EYS: variants seen among roughly 807,000 people sequenced by gnomAD.
EYS encodes EGF-like photoreceptor maintenance factor, also known as protein eyes shut homolog.
Under a neutral mutation model 282.1 loss-of-function variants are expected in EYS, and 250 were observed. The ratio of observed to expected loss-of-function variants is 0.89; its 90% confidence interval spans 0.80 to 0.98. The LOEUF (loss-of-function observed/expected upper bound fraction) is 0.98, where lower values mean the gene tolerates loss of function less well. EYS is among the 50% of genes least tolerant of loss of function. The pLI, the probability that EYS is intolerant of heterozygous loss-of-function variation, is 0.00. For missense variants in EYS, 4,016 were observed against 3,709.0 expected, an observed-to-expected ratio of 1.08 and a Z score of -2.15; for synonymous variants, 1,355 against 1,282.9, an observed-to-expected ratio of 1.06 and a Z score of -1.20.
At chr6:65,405,440 C>A in intron 5 of EYS, 73 bp from the exon 6 acceptor site, 1 of 1,183,324 alleles carries the variant, frequency 8.5e-7, no homozygotes. Flanking sequence ...AGATATGTAG[C>A]AAAACATTCT....
At chr6:63,777,299 C>T (rs1770089059) in intron 40 of EYS, among the ~76,000 whole-genome samples, 1 of 152,172 alleles carries the variant, frequency 6.6e-6, no homozygotes, top group African/African-American at 2.4e-5. Flanking sequence ...TGACACTCCT[C>T]TTTCCCAGCT....
At chr6:64,678,564 C>T (rs538532880) in intron 22 of EYS, among the ~76,000 whole-genome samples, 11 of 151,566 alleles carry the variant, frequency 7.3e-5, no homozygotes, top group Admixed American at 1.3e-4. Flanking sequence ...GGCAACAGAG[C>T]GAGACTCCGT....
At chr6:65,504,281 T>TA (rs1257654672) in intron 2 of EYS, among the ~76,000 whole-genome samples, 2 of 151,740 alleles carry the variant, frequency 1.3e-5, no homozygotes, top group African/African-American at 4.8e-5. Context: ...GTTGACTTTG[T>TA]ATACAGTATT....
At chr6:65,640,082 A>C (rs1767225610) in intron 1 of EYS, among the ~76,000 whole-genome samples, 190 bp from the exon 2 acceptor site, 1 of 152,212 alleles carries the variant, frequency 6.6e-6, no homozygotes, top group Non-Finnish European at 1.5e-5. Flanking sequence ...TTAACTTTCA[A>C]AATGGGCAGT....
intron 2 of EYS, among the ~76,000 whole-genome samples, chr6:65,499,256 G>A (rs1766363417): frequency 6.6e-6 from 1 of 151,764 alleles, no homozygotes; most frequent in Admixed American, 6.6e-5. Flanking sequence ...AAAAAACAAG[G>A]TAATAAGTTT....
At chr6:65,494,591 T>G in intron 4 of EYS, 72 bp downstream of exon 4, 1 of 1,367,102 alleles carries the variant, frequency 7.3e-7, no homozygotes, top group Non-Finnish European at 1.0e-6. Flanking sequence ...TGTACTTTGA[T>G]TTCTGTTAAC....
chr6:65,233,074 A>G (rs1253977660), intron 12 of EYS, among the ~76,000 whole-genome samples: 1 of 152,142 alleles, frequency 6.6e-6, no homozygotes, highest in East Asian at 1.9e-4. Flanking sequence ...AATTGTCATC[A>G]TGCCATCCTT....
At chr6:65,212,085 G>GA (rs34112579) in intron 12 of EYS, among the ~76,000 whole-genome samples, 21 of 149,710 alleles carry the variant, frequency 1.4e-4, no homozygotes, top group Middle Eastern at 3.5e-3. Context: ...ATTTATGCCA[G>GA]AAAAAAAAAA....
chr6:65,606,446 G>GT (rs565877090), intron 2 of EYS, among the ~76,000 whole-genome samples: 1 of 151,576 alleles, frequency 6.6e-6, no homozygotes, highest in Non-Finnish European at 1.5e-5. Flanking sequence ...TTTGAATTTT[G>GT]TTTTTTTGAA....
chr6:65,523,611 A>G (rs1767451022), intron 2 of EYS, among the ~76,000 whole-genome samples: 1 of 152,214 alleles, frequency 6.6e-6, no homozygotes, highest in Non-Finnish European at 1.5e-5. Flanking sequence ...ATGTAAAGTA[A>G]TCATTTCACT....
chr6:65,625,623 A>G (rs1766662498), intron 2 of EYS, among the ~76,000 whole-genome samples: 1 of 152,238 alleles, frequency 6.6e-6, no homozygotes, highest in South Asian at 2.1e-4. Context: ...ATTATAACAT[A>G]CATGTTTTCT....
At chr6:65,576,652 G>C (rs1039475624) in intron 2 of EYS, among the ~76,000 whole-genome samples, 2 of 151,818 alleles carry the variant, frequency 1.3e-5, no homozygotes, top group African/African-American at 4.8e-5. Flanking sequence ...TTGGTTTTCA[G>C]ATTACATAAT....
chr6:65,592,210 G>T (rs1765257766), intron 2 of EYS, among the ~76,000 whole-genome samples: 1 of 151,690 alleles, frequency 6.6e-6, no homozygotes, highest in Non-Finnish European at 1.5e-5. Context: ...TTTAAAAAAA[G>T]CCTTTATCAA....
chr6:64,257,946 G>A (rs1209446849), intron 30 of EYS, among the ~76,000 whole-genome samples: 1 of 151,898 alleles, frequency 6.6e-6, no homozygotes, highest in Non-Finnish European at 1.5e-5. Context: ...AGGATTCAGG[G>A]CAAATTTTGA....
chr6:65,343,984 G>C, intron 10 of EYS, 54 bp downstream of exon 10: 1 of 1,470,784 alleles, frequency 6.8e-7, no homozygotes, highest in Non-Finnish European at 9.5e-7. Context: ...CTAAAAATCA[G>C]ACAATTACAA....
intron 31 of EYS, among the ~76,000 whole-genome samples, chr6:64,138,046 T>C (rs76551246): frequency 0.023 from 3,540 of 152,260 alleles, 120 homozygotes; most frequent in African/African-American, 0.072. Flanking sequence ...TTAGAAATGA[T>C]AATTAATGTC....
intron 8 of EYS, among the ~76,000 whole-genome samples, chr6:65,373,315 G>A (rs768176661): frequency 1.3e-5 from 2 of 152,084 alleles, no homozygotes; most frequent in South Asian, 4.1e-4. Flanking sequence ...AATCAAATAT[G>A]CTAAGAAAAT....
At chr6:64,531,259 AG>A (rs1286043449) in intron 26 of EYS, among the ~76,000 whole-genome samples, 1 of 152,196 alleles carries the variant, frequency 6.6e-6, no homozygotes, top group Non-Finnish European at 1.5e-5. Flanking sequence ...AAAATATAAA[AG>A]TTACCAGCTC....
chr6:64,530,064 T>A (rs1764279437), intron 26 of EYS, among the ~76,000 whole-genome samples: 1 of 152,102 alleles, frequency 6.6e-6, no homozygotes, highest in African/African-American at 2.4e-5. Context: ...GCAGTCCATG[T>A]TTAATGTTGA....
Sources: gnomAD v4.1 joint callset for allele counts (sites outside exome capture counted in the v4.1 genomes callset) on GRCh38, gnomAD v4.1.1 for gene constraint, MANE v1.5 for transcripts, NCBI Gene and HGNC (gene_info 2026-07-23, HGNC 2026-07-21) for gene names.